The following C16orf89 variants were observed in gnomAD, a reference collection of about 807,000 sequenced individuals.
The protein encoded by C16orf89 is chromosome 16 open reading frame 89, also known as UPF0764 protein C16orf89.
Under a neutral mutation model 41.5 loss-of-function variants are expected in C16orf89, and 57 were observed. The ratio of observed to expected loss-of-function variants is 1.38; its 90% CI spans 1.11 to 1.71. C16orf89 has a LOEUF of 1.71. C16orf89 is among the 40% of genes most tolerant of loss of function. The probability of loss-of-function intolerance (pLI) is 0.00; values close to 1 mark genes in which losing one functional copy is unlikely to be tolerated. For synonymous variants in C16orf89, 223 were observed against 190.6 expected (o/e 1.17, Z -1.40); for missense variants, 575 against 445.9 (o/e 1.29, Z -2.61).
rs1054058935 is a variant in C16orf89, at chr16:5,055,141, G to A, written c.868+105C>T. 26 of 977,438 alleles carry A rather than the reference G, an allele frequency of 2.7e-5. No homozygotes were observed. The African/African-American group carries it at 3.8e-4, about 14-fold the overall frequency. The allele number at this position is 977,438 out of a possible 1,614,324, so 60.5% of individuals were successfully genotyped here. A position where few individuals can be genotyped will look rare whatever the true frequency, so the allele number is the denominator to read the frequency against. On this transcript the variant is annotated intron_variant, in intron 6 of 7. Coordinates refer to ENST00000472572, the MANE Select transcript of C16orf89 (RefSeq NM_001098514.3). The stretch of plus-strand genomic sequence containing the variant: ...TGCACCTGTAGGTTACAAATCCCTT[G>A]GCAACCTTAACACCAATGCATTGTT...
At chr16:5,053,631 C>G (rs925925981) in intron 6 of C16orf89, among the ~76,000 whole-genome samples, 1 of 151,812 alleles carries the variant, frequency 6.6e-6, no homozygotes, top group Admixed American at 6.6e-5. Flanking sequence ...GCCTCGGCCT[C>G]CTGCTGGGCT....
At chr16:5,055,161 A>G (rs984457791) in intron 6 of C16orf89, 85 bp downstream of exon 6, 25 of 1,172,688 alleles carry the variant, frequency 2.1e-5, no homozygotes, top group Non-Finnish European at 3.1e-5. Context: ...ACACCAATGC[A>G]TTGTTCCCAC....
At chr16:5,046,297 T>C (rs538011254) in intron 7 of C16orf89, among the ~76,000 whole-genome samples, 97 of 152,210 alleles carry the variant, frequency 6.4e-4, no homozygotes, top group Non-Finnish European at 1.0e-3. Context: ...GGCTATTCCA[T>C]ATCCCTTCCT....
chr16:5,048,994 A>T (rs536151641), intron 6 of C16orf89, among the ~76,000 whole-genome samples: 17 of 152,348 alleles, frequency 1.1e-4, no homozygotes, highest in Admixed American at 2.0e-4. Flanking sequence ...TGGTAAAGAC[A>T]CATATGGAAT....
chr16:5,044,288 A>G lies in C16orf89; in HGVS notation c.*60T>C. 1.3e-6 allele frequency: 2 copies of G among 1,510,176 alleles called. No homozygotes were observed. The highest frequency in any genetic ancestry group is 1.8e-6 in the Non-Finnish European group (2 of 1,131,318). 93.5% of individuals were successfully genotyped at this position (1,510,176 alleles called of 1,614,324 possible). On this transcript the variant is annotated 3_prime_UTR_variant, in exon 8 of 8. Coordinates refer to ENST00000472572, the MANE Select transcript of C16orf89 (RefSeq NM_001098514.3). Reference sequence around the variant, plus strand: ...TGTGATCCGTGCCCTCCAGGATCTAAGGGATGAGGACTAAAGGGGTCTGTT... The same window carrying G: ...TGTGATCCGTGCCCTCCAGGATCTAGGGGATGAGGACTAAAGGGGTCTGTT...
chr16:5,051,606 T>C (rs1200486215), intron 6 of C16orf89, among the ~76,000 whole-genome samples: 2 of 152,124 alleles, frequency 1.3e-5, no homozygotes, highest in African/African-American at 2.4e-5. Context: ...GAATTAATAT[T>C]GTGAAAAATA....
chr16:5,052,771 T>C (rs1184652455), intron 6 of C16orf89, among the ~76,000 whole-genome samples: 1 of 152,162 alleles, frequency 6.6e-6, no homozygotes, highest in Non-Finnish European at 1.5e-5. Flanking sequence ...GCAATCCCAC[T>C]ACTGGATATT....
At chr16:5,059,759 A>C (rs1956578035) in intron 3 of C16orf89, among the ~76,000 whole-genome samples, 1 of 152,080 alleles carries the variant, frequency 6.6e-6, no homozygotes, top group East Asian at 2.0e-4. Context: ...TCATAATACA[A>C]ATGTAAATTG....
At chr16:5,048,179 C>G (rs370563001) in intron 6 of C16orf89, among the ~76,000 whole-genome samples, 10 of 152,126 alleles carry the variant, frequency 6.6e-5, no homozygotes, top group Non-Finnish European at 1.2e-4. Flanking sequence ...CAGGCATGGA[C>G]TACCATGTCC....
intron 7 of C16orf89, among the ~76,000 whole-genome samples, chr16:5,045,075 A>C (rs535272776): frequency 3.9e-5 from 6 of 152,308 alleles, no homozygotes; most frequent in Non-Finnish European, 8.8e-5. Flanking sequence ...TTATGCTCCA[A>C]GGCATTCCCC....
At chr16:5,062,127 C>T (rs1004318093) in intron 2 of C16orf89, among the ~76,000 whole-genome samples, 2 of 152,220 alleles carry the variant, frequency 1.3e-5, no homozygotes, top group African/African-American at 4.8e-5. Context: ...ACAGCCCAGC[C>T]TCTCCGCTCT....
intron 4 of C16orf89, among the ~76,000 whole-genome samples, chr16:5,057,689 C>T (rs781108209): frequency 4.0e-5 from 6 of 151,578 alleles, no homozygotes; most frequent in African/African-American, 4.8e-5. Flanking sequence ...CCACTATGCC[C>T]GACTAATTTT....
intron 2 of C16orf89, among the ~76,000 whole-genome samples, chr16:5,061,423 ACT>A (rs1414014395): frequency 8.7e-4 from 92 of 105,984 alleles, no homozygotes; most frequent in African/African-American, 3.2e-3. Context: ...ACAGGGTGAG[ACT>A]CTGTCTCAAA....
chr16:5,058,748 T>C, intron 3 of C16orf89, 138 bp from the exon 4 acceptor site: 1 of 623,952 alleles, frequency 1.6e-6, no homozygotes, highest in East Asian at 3.1e-5. Flanking sequence ...ACAGAGACAA[T>C]ACAGCAGTCC....
At chr16:5,046,454 C>T (rs1274659295) in intron 7 of C16orf89, among the ~76,000 whole-genome samples, 1 of 151,962 alleles carries the variant, frequency 6.6e-6, no homozygotes, top group African/African-American at 2.4e-5. Flanking sequence ...TGGGTTCAAG[C>T]AGATCTCCTG....
intron 4 of C16orf89, among the ~76,000 whole-genome samples, chr16:5,057,539 A>T (rs555851429): frequency 6.6e-6 from 1 of 150,680 alleles, no homozygotes; most frequent in South Asian, 2.1e-4. Flanking sequence ...TTATATGTAT[A>T]TATATAGAGA....
At chr16:5,064,381 T>A (rs139329543) in intron 1 of C16orf89, among the ~76,000 whole-genome samples, 2 of 152,120 alleles carry the variant, frequency 1.3e-5, no homozygotes, top group Non-Finnish European at 2.9e-5. Context: ...AATGCTTTGA[T>A]AGATGGAAAC....
intron 6 of C16orf89, among the ~76,000 whole-genome samples, chr16:5,050,666 C>T (rs952932961): frequency 1.3e-5 from 2 of 152,124 alleles, no homozygotes; most frequent in East Asian, 1.9e-4. Context: ...ATACTAAAAC[C>T]AGCCAAGGAC....
chr16:5,053,390 G>T (rs763436600), intron 6 of C16orf89, among the ~76,000 whole-genome samples: 1 of 151,744 alleles, frequency 6.6e-6, no homozygotes, highest in Non-Finnish European at 1.5e-5. Flanking sequence ...GAAGTGGAGT[G>T]TTGAATAGTG....
Sources: allele counts gnomAD v4.1 joint callset (sites outside exome capture counted in the v4.1 genomes callset), GRCh38; gene constraint gnomAD v4.1.1; transcripts MANE v1.5; gene names NCBI Gene and HGNC (gene_info 2026-07-23, HGNC 2026-07-21).